Variants in LSAMP observed in about 807,000 individuals in gnomAD.
LSAMP encodes the protein limbic system associated membrane protein, also known as limbic system-associated membrane protein.
A neutral mutation model predicts 38.6 loss-of-function variants in LSAMP; 7 were observed. That is an observed-to-expected ratio of 0.18 (90% confidence interval 0.10 to 0.34). The LOEUF (loss-of-function observed/expected upper bound fraction) is 0.34. Ranked by LOEUF, LSAMP falls within the 10% of genes least tolerant of loss-of-function variation. The probability of loss-of-function intolerance (pLI) is 1.00; values close to 1 mark genes in which losing one functional copy is unlikely to be tolerated. For missense variants in LSAMP, 313 were observed against 420.0 expected (o/e 0.75, Z 2.23); for synonymous variants, 154 against 166.8 (o/e 0.92, Z 0.59).
chr3:115,909,212 A>C (rs940967976), intron 3 of LSAMP, among the ~76,000 whole-genome samples: 1 of 152,196 alleles, frequency 6.6e-6, no homozygotes, highest in African/African-American at 2.4e-5. Context: ...CACAGATTTC[A>C]GATCCCAGAT....
At chr3:115,917,149 G>A (rs1937269217) in intron 3 of LSAMP, among the ~76,000 whole-genome samples, 1 of 152,178 alleles carries the variant, frequency 6.6e-6, no homozygotes, top group East Asian at 1.9e-4. Context: ...GATGGTTTCA[G>A]ATATTTCCTA....
Position 116,242,414 on chromosome 3 carries a change from T to C in LSAMP, c.156-155858A>G, listed in dbSNP as rs577766852. Among the ~76,000 whole-genome samples the C allele has an allele frequency of 2.0e-5, 3 of 152,268 alleles. No homozygotes were observed. In the East Asian group the frequency reaches 5.8e-4, roughly 29 times the overall value. On this transcript the variant is annotated intron_variant, in intron 1 of 6. Transcript: ENST00000490035. ...GGAAACGGCTGGTCACGAACTGAAA[T>C]TTAAAAGCTTTCTGGATACTCCAGC... is the stretch of plus-strand genomic sequence containing the variant.
At chr3:116,003,537 G>T (rs1328127046) in intron 3 of LSAMP, among the ~76,000 whole-genome samples, 1 of 152,130 alleles carries the variant, frequency 6.6e-6, no homozygotes, top group East Asian at 1.9e-4. Flanking sequence ...TCCCCCAAAA[G>T]ATATATACAA....
intron 3 of LSAMP, among the ~76,000 whole-genome samples, chr3:115,853,823 C>T (rs1486271614): frequency 2.0e-5 from 3 of 152,158 alleles, no homozygotes; most frequent in Non-Finnish European, 4.4e-5. Flanking sequence ...TGTTAAAGAA[C>T]ACAGTCCTGC....
At chr3:115,842,601 A>G (rs372916584) in intron 4 of LSAMP, 23 bp from the exon 5 acceptor site, 9 of 1,611,862 alleles carry the variant, frequency 5.6e-6, no homozygotes, top group African/African-American at 5.3e-5. Flanking sequence ...CAGGCACACA[A>G]GTTTACATGA....
chr3:116,162,701 TATATAA>T (rs1206728021), intron 1 of LSAMP, among the ~76,000 whole-genome samples: 7 of 151,536 alleles, frequency 4.6e-5, no homozygotes, highest in African/African-American at 1.5e-4. Context: ...TCTCTATATA[TATATAA>T]AGTGAAAGCA....
At chr3:116,116,425 A>C (rs910049812) in intron 1 of LSAMP, among the ~76,000 whole-genome samples, 1 of 151,494 alleles carries the variant, frequency 6.6e-6, no homozygotes, top group Non-Finnish European at 1.5e-5. Flanking sequence ...GGCTGGGCAC[A>C]GTGGCTCACA....
intron 1 of LSAMP, among the ~76,000 whole-genome samples, chr3:116,406,110 C>A (rs1042431962): frequency 6.6e-6 from 1 of 152,010 alleles, no homozygotes; most frequent in Non-Finnish European, 1.5e-5. Flanking sequence ...TGGACGTGTA[C>A]ATCTGCCAAA....
At chr3:115,950,796 A>G (rs1183005648) in intron 3 of LSAMP, among the ~76,000 whole-genome samples, 1 of 80,300 alleles carries the variant, frequency 1.2e-5, no homozygotes, top group Non-Finnish European at 2.8e-5. Context: ...AGCAAGACTT[A>G]GCAAAAAAAA....
chr3:116,074,090 A>G (rs1161958953), intron 2 of LSAMP, among the ~76,000 whole-genome samples: 2 of 152,194 alleles, frequency 1.3e-5, no homozygotes, highest in Non-Finnish European at 2.9e-5. Flanking sequence ...AGTGCCACCA[A>G]TTACCTGAAT....
At chr3:116,209,876 G>A (rs1306235959) in intron 1 of LSAMP, among the ~76,000 whole-genome samples, 3 of 152,050 alleles carry the variant, frequency 2.0e-5, no homozygotes, top group African/African-American at 7.2e-5. Context: ...CTTAGCCTCC[G>A]AGTAGCTGGG....
intron 1 of LSAMP, among the ~76,000 whole-genome samples, chr3:116,202,432 C>A (rs1165814878): frequency 6.6e-6 from 1 of 151,394 alleles, no homozygotes; most frequent in Non-Finnish European, 1.5e-5. Flanking sequence ...CTGTGCCCAG[C>A]CCACACCCTT....
At chr3:116,102,698 T>A (rs1708373928) in intron 1 of LSAMP, among the ~76,000 whole-genome samples, 1 of 152,204 alleles carries the variant, frequency 6.6e-6, no homozygotes, top group South Asian at 2.1e-4. Flanking sequence ...CTTTCCTGAG[T>A]CTTCAGCTTA....
intron 3 of LSAMP, among the ~76,000 whole-genome samples, chr3:115,968,639 G>A (rs1938907776): frequency 6.6e-6 from 1 of 152,172 alleles, no homozygotes; most frequent in South Asian, 2.1e-4. Flanking sequence ...TCCCAGAGCT[G>A]TGAGCTGCAC....
intron 3 of LSAMP, among the ~76,000 whole-genome samples, chr3:115,866,267 C>T (rs565855933): frequency 1.3e-5 from 2 of 152,188 alleles, no homozygotes; most frequent in East Asian, 3.9e-4. Flanking sequence ...ATGACAAAAG[C>T]CAATGCTGAC....
intron 1 of LSAMP, among the ~76,000 whole-genome samples, chr3:116,115,001 T>C (rs1331142123): frequency 6.6e-6 from 1 of 152,262 alleles, no homozygotes; most frequent in Non-Finnish European, 1.5e-5. Context: ...TGAAGTGGAA[T>C]TGTTTTGCAT....
intron 1 of LSAMP, among the ~76,000 whole-genome samples, chr3:116,259,917 A>C (rs1410964867): frequency 6.6e-6 from 1 of 151,912 alleles, no homozygotes; most frequent in Admixed American, 6.6e-5. Context: ...CATTTTTCTC[A>C]TTTTACCTCA....
intron 1 of LSAMP, among the ~76,000 whole-genome samples, chr3:116,209,154 C>G (rs1459464596): frequency 6.6e-6 from 1 of 152,166 alleles, no homozygotes; most frequent in Admixed American, 6.5e-5. Context: ...GTGGGAGTGA[C>G]CCGATTTTCC....
At chr3:116,262,257 GTTA>G (rs1157925655) in intron 1 of LSAMP, among the ~76,000 whole-genome samples, 2 of 152,138 alleles carry the variant, frequency 1.3e-5, no homozygotes, top group Admixed American at 1.3e-4. Flanking sequence ...GCCTGTTGCT[GTTA>G]TTAACTTGGT....
Sources: gnomAD v4.1 joint callset for allele counts (sites outside exome capture counted in the v4.1 genomes callset) on GRCh38, gnomAD v4.1.1 for gene constraint, MANE v1.5 for transcripts, NCBI Gene and HGNC (gene_info 2026-07-23, HGNC 2026-07-21) for gene names.